ARHGAP15: variants seen among roughly 807,000 people sequenced by gnomAD.
The protein encoded by ARHGAP15 is Rho GTPase activating protein 15.
A neutral mutation model predicts 63.7 loss-of-function variants in ARHGAP15; 51 were observed. That is an observed-to-expected ratio of 0.80 (90% CI 0.64 to 1.01). ARHGAP15 has a LOEUF of 1.01. Ranked by LOEUF, ARHGAP15 falls within the 50% of genes least tolerant of loss-of-function variation. ARHGAP15 has a pLI of 0.00. For missense variants in ARHGAP15, 560 were observed against 564.6 expected (o/e 0.99, Z 0.08); for synonymous variants, 191 against 193.8 (o/e 0.99, Z 0.12).
intron 6 of ARHGAP15, among the ~76,000 whole-genome samples, chr2:143,298,663 T>G (rs1452214287): frequency 1.3e-5 from 2 of 152,060 alleles, no homozygotes; most frequent in Non-Finnish European, 2.9e-5. Context: ...TCAGAAAATA[T>G]GTTAATAAAA....
intron 6 of ARHGAP15, among the ~76,000 whole-genome samples, chr2:143,386,809 G>T (rs11894498): frequency 0.017 from 2,514 of 151,546 alleles, 86 homozygotes; most frequent in African/African-American, 0.058. Context: ...ATTCCTTTTT[G>T]GTTTCTTTTG....
At position 143,368,255 on chromosome 2, in the gene ARHGAP15, G is replaced by C. The variant is rs539423177; in HGVS notation, c.475-67346G>C. 3.3e-5 allele frequency among the ~76,000 whole-genome samples: 5 copies of C among 152,136 alleles called. No individual in the cohort carries two copies. The East Asian group carries it at 9.6e-4, about 29-fold the overall frequency. ...TAACAGTATATTTAGTGTGTGATTG[G>C]AGTAAAGAAATATGAAGAGCGTCTT... On this transcript the variant is annotated intron_variant, in intron 6 of 13. Transcript: ENST00000295095.
intron 6 of ARHGAP15, among the ~76,000 whole-genome samples, chr2:143,352,368 C>T (rs945589434): frequency 1.3e-5 from 2 of 152,136 alleles, no homozygotes; most frequent in African/African-American, 4.8e-5. Context: ...TTGCCTTTCT[C>T]TACCTTCTAG....
chr2:143,252,640 T>A lies in ARHGAP15; in HGVS notation c.474+2040T>A, dbSNP rs571378421. On this transcript the variant is annotated intron_variant, in intron 6 of 13. Transcript: ENST00000295095. ...TCAAGTTTCATGTTCTGTTTCATTC[T>A]TTTTGAGTGAATCCCTTGGTTTCCT... Among the ~76,000 whole-genome samples the A allele has an allele frequency of 1.2e-3, 178 of 152,188 alleles. 1 individual carries two copies. The highest frequency in any genetic ancestry group is 4.2e-3 in the African/African-American group (173 of 41,558).
intron 2 of ARHGAP15, among the ~76,000 whole-genome samples, chr2:143,181,451 A>G (rs369049951): frequency 3.3e-5 from 5 of 152,232 alleles, no homozygotes; most frequent in Non-Finnish European, 1.5e-5. Flanking sequence ...TTTCATCTAC[A>G]TTGAAAATGT....
chr2:143,479,339 GTT>G (rs79266101), intron 8 of ARHGAP15, among the ~76,000 whole-genome samples: 1 of 144,310 alleles, frequency 6.9e-6, no homozygotes, highest in African/African-American at 2.5e-5. Flanking sequence ...TCTTTTTGGG[GTT>G]TTTTTTTTTT....
intron 11 of ARHGAP15, among the ~76,000 whole-genome samples, chr2:143,600,292 GA>G (rs902788987): frequency 6.6e-6 from 1 of 152,000 alleles, no homozygotes; most frequent in Non-Finnish European, 1.5e-5. Context: ...GGACCAAGTG[GA>G]AAAAAATCTC....
At chr2:143,201,603 C>A (rs1049003824) in intron 2 of ARHGAP15, among the ~76,000 whole-genome samples, 1 of 152,066 alleles carries the variant, frequency 6.6e-6, no homozygotes, top group Non-Finnish European at 1.5e-5. Context: ...TAGAGGACTT[C>A]TTTATACTCA....
At chr2:143,308,935 C>CAAA (rs35757623) in intron 6 of ARHGAP15, among the ~76,000 whole-genome samples, 23 of 107,316 alleles carry the variant, frequency 2.1e-4, no homozygotes, top group South Asian at 3.3e-4. Flanking sequence ...TCCTGGCAGC[C>CAAA]AAAAAAAAAA....
intron 12 of ARHGAP15, among the ~76,000 whole-genome samples, chr2:143,650,386 A>C (rs903715169): frequency 2.0e-5 from 3 of 151,916 alleles, no homozygotes; most frequent in Admixed American, 2.0e-4. Context: ...GTCCGCTCAG[A>C]TCTGTAGTTT....
intron 6 of ARHGAP15, among the ~76,000 whole-genome samples, chr2:143,387,706 G>GAA (rs775138790): frequency 2.8e-5 from 4 of 140,750 alleles, no homozygotes; most frequent in African/African-American, 7.8e-5. Context: ...TCCCAAAATA[G>GAA]AAAAAAAAAA....
At chr2:143,375,113 C>T (rs1490219125) in intron 6 of ARHGAP15, among the ~76,000 whole-genome samples, 1 of 152,096 alleles carries the variant, frequency 6.6e-6, no homozygotes, top group Non-Finnish European at 1.5e-5. Context: ...TCTAAGTCAT[C>T]TTATGACAAA....
rs1402264642 is a variant in ARHGAP15 at position 143,155,481 on chromosome 2, G to A, written c.-10G>A. On this transcript the variant is annotated 5_prime_UTR_variant, in exon 2 of 14. Transcript: ENST00000295095. ...ATACATTTTATATTTTATCAGGATA[G>A]CACTATAATATGCAGAAATCTACAA... 15 of 1,598,244 alleles carry A rather than the reference G, an allele frequency of 9.4e-6. No individual in the cohort carries two copies. The highest frequency in any genetic ancestry group is 1.2e-5 in the Non-Finnish European group (14 of 1,174,256).
chr2:143,632,300 TGAC>T (rs1680079641), intron 12 of ARHGAP15, among the ~76,000 whole-genome samples: 1 of 152,082 alleles, frequency 6.6e-6, no homozygotes, highest in Non-Finnish European at 1.5e-5. Context: ...TTTTCTGGCT[TGAC>T]TAATAGTAAT....
intron 13 of ARHGAP15, among the ~76,000 whole-genome samples, chr2:143,750,377 G>T (rs1229214445): frequency 6.6e-6 from 1 of 152,162 alleles, no homozygotes; most frequent in African/African-American, 2.4e-5. Flanking sequence ...GGAGGCAGAG[G>T]TTGCAGTGAG....
At chr2:143,541,377 C>T (rs1000295859) in intron 10 of ARHGAP15, among the ~76,000 whole-genome samples, 18 of 152,198 alleles carry the variant, frequency 1.2e-4, no homozygotes, top group South Asian at 2.1e-4. Context: ...TCTCTCAACT[C>T]GTCAAAGTCA....
chr2:143,657,753 T>A (rs1469244145), intron 12 of ARHGAP15, among the ~76,000 whole-genome samples: 1 of 152,224 alleles, frequency 6.6e-6, no homozygotes, highest in Non-Finnish European at 1.5e-5. Flanking sequence ...TAAACAGTCT[T>A]ATTTTCCTGT....
intron 8 of ARHGAP15, among the ~76,000 whole-genome samples, chr2:143,451,693 T>G (rs1690415407): frequency 6.6e-6 from 1 of 151,960 alleles, no homozygotes. Flanking sequence ...ATATATTTGT[T>G]TCATATGTTA....
intron 1 of ARHGAP15, among the ~76,000 whole-genome samples, chr2:143,140,811 A>G (rs774851596): frequency 1.3e-5 from 2 of 152,276 alleles, no homozygotes; most frequent in East Asian, 3.9e-4. Context: ...ACTTAATGAG[A>G]ACAAGGTGCA....
Sources: gnomAD v4.1 joint callset for allele counts (sites outside exome capture counted in the v4.1 genomes callset) on GRCh38, gnomAD v4.1.1 for gene constraint, MANE v1.5 for transcripts, NCBI Gene and HGNC (gene_info 2026-07-23, HGNC 2026-07-21) for gene names.